LHFPL3: variants seen among roughly 807,000 people sequenced by gnomAD.
The protein encoded by LHFPL3 is LHFPL tetraspan subfamily member 3 protein.
A neutral mutation model predicts 19.3 loss-of-function variants in LHFPL3; 5 were observed. That is an observed-to-expected ratio of 0.26 (90% confidence interval 0.14 to 0.54). LHFPL3 has a LOEUF of 0.54. Ranked by LOEUF, LHFPL3 falls within the 20% of genes least tolerant of loss-of-function variation. The pLI, the probability that LHFPL3 is intolerant of heterozygous loss-of-function variation, is 0.94. For missense variants in LHFPL3, 249 were observed against 307.4 expected (o/e 0.81, Z 1.42); for synonymous variants, 133 against 126.2 (o/e 1.05, Z -0.36).
chr7:104,554,404 G>T (rs1315033168), intron 1 of LHFPL3, among the ~76,000 whole-genome samples: 1 of 151,840 alleles, frequency 6.6e-6, no homozygotes. Flanking sequence ...CCAACAATCT[G>T]ATTGGAAGAT....
Position 104,573,663 on chromosome 7 carries a change from G to A in LHFPL3, c.446-163012G>A, listed in dbSNP as rs190210824. The stretch of plus-strand genomic sequence containing the variant: ...TGGCTCTTTCCTCCTAACAGCCAGG[G>A]CCTGGGTAAAGGTTGGGAGATGCCT... On this transcript the variant is annotated intron_variant, in intron 1 of 2. Transcript: ENST00000424859. Among the ~76,000 whole-genome samples, 3 of 152,294 alleles carry A rather than the reference G, an allele frequency of 2.0e-5. No homozygotes were observed. The East Asian group carries it at 5.8e-4, about 29-fold the overall frequency.
chr7:104,645,537 G>A (rs1325711820), intron 1 of LHFPL3, among the ~76,000 whole-genome samples: 2 of 151,786 alleles, frequency 1.3e-5, no homozygotes, highest in African/African-American at 2.4e-5. Context: ...AAGAGAATGC[G>A]AAGTAGTTCT....
rs146041543 is a variant in LHFPL3, at chr7:104,892,489, G to A, written c.683-13698G>A. 3.3e-3 allele frequency among the ~76,000 whole-genome samples: 501 copies of A among 152,088 alleles called. 11 individuals are homozygous for A. The highest frequency in any genetic ancestry group is 0.012 in the African/African-American group (488 of 41,486). ...GCACTTTGGGAAACTGAGGCAGGCG[G>A]ATCACAAGGTCAGCCGTTCAAAACC... On this transcript the variant is annotated intron_variant, in intron 2 of 2. Transcript: ENST00000424859.
chr7:104,406,531 A>T (rs1791415726), intron 1 of LHFPL3, among the ~76,000 whole-genome samples: 1 of 152,240 alleles, frequency 6.6e-6, no homozygotes, highest in Non-Finnish European at 1.5e-5. Flanking sequence ...TATGAATTAA[A>T]AGAGGATGAT....
intron 1 of LHFPL3, among the ~76,000 whole-genome samples, chr7:104,728,855 A>G (rs760557991): frequency 1.3e-5 from 2 of 152,216 alleles, no homozygotes; most frequent in Non-Finnish European, 2.9e-5. Flanking sequence ...GAGATACTCA[A>G]TAAGCAACTG....
At chr7:104,571,690 A>G (rs1450407678) in intron 1 of LHFPL3, among the ~76,000 whole-genome samples, 1 of 152,220 alleles carries the variant, frequency 6.6e-6, no homozygotes, top group Non-Finnish European at 1.5e-5. Flanking sequence ...CCTCAGAAGA[A>G]GCATCACACA....
intron 2 of LHFPL3, among the ~76,000 whole-genome samples, chr7:104,817,606 C>T (rs76991029): frequency 0.017 from 2,573 of 152,286 alleles, 69 homozygotes; most frequent in African/African-American, 0.059. Context: ...AAAACAACAT[C>T]TATGCTTCAT....
intron 1 of LHFPL3, among the ~76,000 whole-genome samples, chr7:104,600,366 G>T (rs2115691171): frequency 6.6e-6 from 1 of 152,254 alleles, no homozygotes; most frequent in Non-Finnish European, 1.5e-5. Context: ...AAAGGAACAG[G>T]AATTAATTCT....
chr7:104,807,137 G>A (rs1473232111), intron 2 of LHFPL3, among the ~76,000 whole-genome samples: 1 of 151,378 alleles, frequency 6.6e-6, no homozygotes, highest in Non-Finnish European at 1.5e-5. Flanking sequence ...AATTAAAGTA[G>A]GTCATGAGGG....
chr7:104,882,890 T>C (rs1454595001), intron 2 of LHFPL3, among the ~76,000 whole-genome samples: 1 of 152,204 alleles, frequency 6.6e-6, no homozygotes, highest in Non-Finnish European at 1.5e-5. Flanking sequence ...ATTTATATTG[T>C]AGTTAAGGCG....
At chr7:104,418,281 C>T (rs944322540) in intron 1 of LHFPL3, among the ~76,000 whole-genome samples, 1 of 152,164 alleles carries the variant, frequency 6.6e-6, no homozygotes, top group African/African-American at 2.4e-5. Flanking sequence ...GCACCAGGCA[C>T]AATAGATGAT....
intron 2 of LHFPL3, among the ~76,000 whole-genome samples, chr7:104,868,510 A>C (rs1040262078): frequency 1.3e-5 from 2 of 152,320 alleles, no homozygotes; most frequent in East Asian, 1.9e-4. Flanking sequence ...TAGGAATCCA[A>C]CTTACAAGGG....
intron 1 of LHFPL3, among the ~76,000 whole-genome samples, chr7:104,613,123 C>T (rs895448061): frequency 2.6e-5 from 4 of 152,190 alleles, no homozygotes; most frequent in African/African-American, 9.6e-5. Flanking sequence ...AAAGGATGTT[C>T]ATACCTTTTT....
chr7:104,817,084 C>G (rs1790570402), intron 2 of LHFPL3, among the ~76,000 whole-genome samples: 1 of 151,390 alleles, frequency 6.6e-6, no homozygotes, highest in South Asian at 2.1e-4. Context: ...CTTCCTAGCC[C>G]ACAAGGATCT....
intron 1 of LHFPL3, among the ~76,000 whole-genome samples, chr7:104,547,840 C>T (rs776923259): frequency 1.1e-4 from 16 of 152,140 alleles, no homozygotes; most frequent in Non-Finnish European, 1.9e-4. Context: ...CCTCAGTTTT[C>T]GTTTACATCA....
intron 2 of LHFPL3, among the ~76,000 whole-genome samples, chr7:104,753,382 G>C (rs1189624624): frequency 1.3e-5 from 2 of 152,014 alleles, no homozygotes; most frequent in African/African-American, 4.8e-5. Flanking sequence ...ATATTATAAG[G>C]TTATTTTAAC....
At chr7:104,715,105 C>T (rs1793363174) in intron 1 of LHFPL3, among the ~76,000 whole-genome samples, 1 of 151,992 alleles carries the variant, frequency 6.6e-6, no homozygotes, top group Non-Finnish European at 1.5e-5. Context: ...AGTTCAAGAC[C>T]AGCCTGAGCA....
At chr7:104,815,233 G>A (rs115902816) in intron 2 of LHFPL3, among the ~76,000 whole-genome samples, 3,762 of 152,210 alleles carry the variant, frequency 0.025, 148 homozygotes, top group African/African-American at 0.083. Context: ...TCCATGGAGC[G>A]AACAGCCCCC....
At chr7:104,386,912 C>T (rs1790957597) in intron 1 of LHFPL3, among the ~76,000 whole-genome samples, 1 of 152,042 alleles carries the variant, frequency 6.6e-6, no homozygotes, top group South Asian at 2.1e-4. Context: ...TTTAAAGCTG[C>T]CACATTGTAT....
Sources: gnomAD v4.1 joint callset for allele counts (sites outside exome capture counted in the v4.1 genomes callset) on GRCh38, gnomAD v4.1.1 for gene constraint, MANE v1.5 for transcripts, NCBI Gene and HGNC (gene_info 2026-07-23, HGNC 2026-07-21) for gene names.